HERC3: variants seen among roughly 807,000 people sequenced by gnomAD.
HERC3 encodes HECT and RLD domain containing E3 ubiquitin protein ligase 3, also known as probable E3 ubiquitin-protein ligase HERC3.
Under a neutral mutation model 129.9 loss-of-function variants are expected in HERC3, and 58 were observed. That is an observed-to-expected ratio of 0.45 (90% confidence interval 0.36 to 0.56). The LOEUF (loss-of-function observed/expected upper bound fraction) is 0.56, where lower values mean the gene tolerates loss of function less well. Among genes scored for constraint, HERC3 ranks in the 20% least tolerant of loss-of-function variants. The pLI is 0.00. For missense variants in HERC3, 835 were observed against 1,244.2 expected (o/e 0.67, Z 4.95); for synonymous variants, 430 against 451.0 (o/e 0.95, Z 0.59).
At chr4:88,554,085 C>T in the HERC3 span, among the ~76,000 whole-genome samples, 1 of 152,142 alleles carries the variant, frequency 6.6e-6, no homozygotes, top group Non-Finnish European at 1.5e-5. Flanking sequence ...TGGTGGCTCA[C>T]ACCTGTAATC....
chr4:88,598,274 G>GT (rs1269241661), intron 2 of HERC3, among the ~76,000 whole-genome samples: 1 of 152,120 alleles, frequency 6.6e-6, no homozygotes, highest in African/African-American at 2.4e-5. Context: ...GAAGGTTGTC[G>GT]TTTAGCATTC....
chr4:88,576,727 T>C, the HERC3 span, among the ~76,000 whole-genome samples: 2 of 152,322 alleles, frequency 1.3e-5, no homozygotes, highest in East Asian at 3.9e-4. Context: ...AAATTTATTT[T>C]AAAATGCTCT....
chr4:88,624,904 C>T (rs763873569), intron 3 of HERC3, among the ~76,000 whole-genome samples: 3 of 152,000 alleles, frequency 2.0e-5, no homozygotes, highest in Admixed American at 1.3e-4. Context: ...GGTCAAGGTT[C>T]GTTTTTTTGC....
chr4:88,545,412 T>G, the HERC3 span, among the ~76,000 whole-genome samples: 1 of 150,250 alleles, frequency 6.7e-6, no homozygotes, highest in Non-Finnish European at 1.5e-5. Flanking sequence ...TTAAAGGAAA[T>G]CTTTCCTTTT....
At chr4:88,615,225 T>C (rs61461574) in intron 3 of HERC3, among the ~76,000 whole-genome samples, 7,071 of 152,226 alleles carry the variant, frequency 0.046, 210 homozygotes, top group Middle Eastern at 0.12. Context: ...TGATTTCATC[T>C]AGGTTGGTGA....
intron 7 of HERC3, 134 bp downstream of exon 7, chr4:88,654,267 GTTTGTTGTTTTCC>G: frequency 2.1e-6 from 1 of 477,036 alleles, no homozygotes; most frequent in Non-Finnish European, 3.6e-6. Flanking sequence ...TTTTATGTGG[GTTTGTTGTTTTCC>G]AAAGGAATAG....
At position 88,667,941 on chromosome 4, in the gene HERC3, C is replaced by T. The variant is rs868413497; in HGVS notation, c.1493C>T (p.Pro498Leu). ...SCLIPQLSSSPPDVEAMRIYL... is the reference protein window; with the variant it reads ...SCLIPQLSSSLPDVEAMRIYL... ...CTGATTCCCCAGTTGTCAAGCTCAC[C>T]ACCAGATGTTGAAGCCATGAGAATC... is the stretch of plus-strand genomic sequence containing the variant. Residue 498 changes from proline (P) to leucine (L), a missense_variant, in exon 14 of 26, where the codon CCA (proline) becomes CTA (leucine). Transcript: ENST00000402738. 6.2e-7 allele frequency: 1 copy of T among 1,613,320 alleles called. No individual in the cohort carries two copies. Among genetic ancestry groups the T allele is most frequent in the Non-Finnish European group, 8.5e-7 (1 of 1,179,476 alleles).
chr4:88,572,432 A>C, the HERC3 span, among the ~76,000 whole-genome samples: 1 of 152,014 alleles, frequency 6.6e-6, no homozygotes, highest in Admixed American at 6.6e-5. Context: ...CCTCAAAAAA[A>C]CAAAAAACAA....
chr4:88,697,687 G>A (rs1477763452), intron 23 of HERC3: 6 of 1,611,162 alleles, frequency 3.7e-6, no homozygotes, highest in Non-Finnish European at 4.2e-6. Context: ...TACCTCCTCT[G>A]CCGCTGCCTC....
In HERC3 at chr4:88,640,447, C is replaced by A. The variant is rs377705773; in HGVS notation, c.227-9393C>A. Among the ~76,000 whole-genome samples the A allele has an allele frequency of 6.6e-5, 10 of 152,272 alleles. No homozygotes were observed. The East Asian group carries it at 1.9e-3, about 29-fold the overall frequency. On this transcript the variant is annotated intron_variant, in intron 3 of 25. Coordinates refer to ENST00000402738, the MANE Select transcript of HERC3 (RefSeq NM_014606.3). ...TCAGGACATTGATGAAGCTGGAAGCCATCATTCTCAGCAAACTAACACAGA... is the reference window on the plus strand; with the variant it reads ...TCAGGACATTGATGAAGCTGGAAGCAATCATTCTCAGCAAACTAACACAGA...
chr4:88,630,366 G>C (rs1391317953), intron 3 of HERC3, among the ~76,000 whole-genome samples: 1 of 152,140 alleles, frequency 6.6e-6, no homozygotes, highest in African/African-American at 2.4e-5. Flanking sequence ...AGTCATTTAA[G>C]ATATTTTAAA....
intron 23 of HERC3, among the ~76,000 whole-genome samples, chr4:88,691,206 T>C (rs772287388): frequency 6.6e-6 from 1 of 152,244 alleles, no homozygotes; most frequent in Non-Finnish European, 1.5e-5. Flanking sequence ...ACAGCTTCTG[T>C]ACTAGGTAGA....
In HERC3 at chr4:88,652,858, T is replaced by C; in HGVS notation, c.464-11T>C. 1 of 1,601,144 alleles carries C rather than the reference T, an allele frequency of 6.2e-7. No individual in the cohort carries two copies. Among genetic ancestry groups the C allele is most frequent in the Non-Finnish European group, 8.5e-7 (1 of 1,170,832 alleles). The stretch of plus-strand genomic sequence containing the variant: ...CATTTTATGGTAATACCAGTTATCC[T>C]GTTATTTCAGATGGCCAGTTCTTCA... On this transcript the variant is annotated splice_polypyrimidine_tract_variant and intron_variant, in intron 5 of 25. Coordinates refer to ENST00000402738, the MANE Select transcript of HERC3 (RefSeq NM_014606.3).
chr4:88,577,541 T>C, the HERC3 span, among the ~76,000 whole-genome samples: 1 of 136,892 alleles, frequency 7.3e-6, no homozygotes, highest in Non-Finnish European at 1.5e-5. Flanking sequence ...TATATTTGAC[T>C]AAACTGTTTT....
chr4:88,568,041 G>T, the HERC3 span, among the ~76,000 whole-genome samples: 1 of 152,234 alleles, frequency 6.6e-6, no homozygotes, highest in Admixed American at 6.5e-5. Context: ...ACTTGTAGAG[G>T]TATTGCCTTA....
intron 23 of HERC3, chr4:88,695,955 A>T (rs1271730200): frequency 6.6e-6 from 1 of 152,630 alleles, no homozygotes; most frequent in Non-Finnish European, 1.5e-5. Context: ...CACAGTGATA[A>T]ACAACTTTAA....
chr4:88,628,967 A>G (rs1726445282), intron 3 of HERC3, among the ~76,000 whole-genome samples: 1 of 152,174 alleles, frequency 6.6e-6, no homozygotes, highest in African/African-American at 2.4e-5. Flanking sequence ...TGAGGCCAGG[A>G]ATTTGAGATC....
intron 3 of HERC3, among the ~76,000 whole-genome samples, chr4:88,612,356 C>G (rs1423294489): frequency 6.7e-6 from 1 of 148,438 alleles, no homozygotes; most frequent in Non-Finnish European, 1.5e-5. Context: ...AAAGATACAT[C>G]AAATTCTGAA....
chr4:88,572,544 C>T, the HERC3 span, among the ~76,000 whole-genome samples: 1 of 152,172 alleles, frequency 6.6e-6, no homozygotes, highest in Non-Finnish European at 1.5e-5. Context: ...AGTGTGGTGG[C>T]TCACACCTGT....
Sources: gnomAD v4.1 joint callset for allele counts (sites outside exome capture counted in the v4.1 genomes callset) on GRCh38, gnomAD v4.1.1 for gene constraint, MANE v1.5 for transcripts, NCBI Gene and HGNC (gene_info 2026-07-23, HGNC 2026-07-21) for gene names.